FSTL4: variants seen among roughly 807,000 people sequenced by gnomAD.
FSTL4 encodes the protein follistatin like 4.
In FSTL4, 28 loss-of-function variants were observed where a neutral mutation model predicts 78.2. That is an observed-to-expected ratio of 0.36 (90% CI 0.27 to 0.49). FSTL4 has a LOEUF of 0.49. FSTL4 is among the 20% of genes least tolerant of loss of function. FSTL4 has a pLI of 0.98. For synonymous variants in FSTL4, 422 were observed against 440.5 expected (o/e 0.96, Z 0.53); for missense variants, 922 against 1,084.9 (o/e 0.85, Z 2.11).
chr5:133,378,007 A>G (rs1755479413), intron 4 of FSTL4, among the ~76,000 whole-genome samples: 1 of 152,208 alleles, frequency 6.6e-6, no homozygotes, highest in East Asian at 1.9e-4. Context: ...ATGTGCTAAA[A>G]AACAAAACTG....
chr5:133,219,817 C>T (rs1751034260), intron 12 of FSTL4, among the ~76,000 whole-genome samples: 1 of 152,186 alleles, frequency 6.6e-6, no homozygotes, highest in Admixed American at 6.5e-5. Flanking sequence ...AAATTTGTGC[C>T]AATGTGATGG....
the FSTL4 span, among the ~76,000 whole-genome samples, chr5:133,637,516 C>T: frequency 6.6e-6 from 1 of 152,076 alleles, no homozygotes; most frequent in Non-Finnish European, 1.5e-5. Flanking sequence ...ATGAGTAGAA[C>T]TAGACACAGC....
At chr5:133,701,509 A>ACCCCCCCC in the FSTL4 span, among the ~76,000 whole-genome samples, 33 of 132,680 alleles carry the variant, frequency 2.5e-4, no homozygotes, top group Admixed American at 4.5e-4. Flanking sequence ...ACACACACAC[A>ACCCCCCCC]CCCCACAGGC....
intron 3 of FSTL4, among the ~76,000 whole-genome samples, chr5:133,528,431 C>A (rs1455126979): frequency 6.6e-6 from 1 of 152,134 alleles, no homozygotes; most frequent in East Asian, 1.9e-4. Context: ...GGGCCATCTC[C>A]TTCTGTTCTC....
chr5:133,458,633 G>A lies in FSTL4; in HGVS notation c.161-57647C>T, dbSNP rs781699053. 1.6e-3 allele frequency among the ~76,000 whole-genome samples: 244 copies of A among 152,350 alleles called. 1 individual carries two copies. The highest frequency in any genetic ancestry group is 0.01 in the Middle Eastern group (3 of 294). ...AGCCACATGTCCTCTCTGGGCCTGGGTCCCATCTGTGGACTGGGGATGGCC... is the reference window on the plus strand; with the variant it reads ...AGCCACATGTCCTCTCTGGGCCTGGATCCCATCTGTGGACTGGGGATGGCC... On this transcript the variant is annotated intron_variant, in intron 3 of 15. Transcript: ENST00000265342.
intron 3 of FSTL4, among the ~76,000 whole-genome samples, chr5:133,469,721 G>A (rs2112847146): frequency 6.6e-6 from 1 of 152,312 alleles, no homozygotes; most frequent in South Asian, 2.1e-4. Context: ...GATAGTGGAA[G>A]AGGCACCCTT....
At chr5:133,766,882 C>G in the FSTL4 span, among the ~76,000 whole-genome samples, 1 of 152,330 alleles carries the variant, frequency 6.6e-6, no homozygotes, top group Non-Finnish European at 1.5e-5. Context: ...ATGCTTCCCA[C>G]ATGAGGCCAC....
At chr5:133,736,694 C>A in the FSTL4 span, among the ~76,000 whole-genome samples, 1 of 152,092 alleles carries the variant, frequency 6.6e-6, no homozygotes, top group African/African-American at 2.4e-5. Flanking sequence ...AAGCTGAGGA[C>A]GTACAGCCAA....
chr5:133,540,267 A>T (rs1759439391), intron 3 of FSTL4, among the ~76,000 whole-genome samples: 1 of 151,142 alleles, frequency 6.6e-6, no homozygotes, highest in Non-Finnish European at 1.5e-5. Context: ...ACACACACGC[A>T]CTCATTCATT....
At chr5:133,295,062 A>T (rs931199985) in intron 6 of FSTL4, among the ~76,000 whole-genome samples, 4 of 152,098 alleles carry the variant, frequency 2.6e-5, no homozygotes, top group African/African-American at 9.7e-5. Context: ...CTGCCCAAAG[A>T]TCACTCCGCC....
At chr5:133,446,968 T>C (rs2127007107) in intron 3 of FSTL4, among the ~76,000 whole-genome samples, 1 of 152,292 alleles carries the variant, frequency 6.6e-6, no homozygotes, top group East Asian at 1.9e-4. Flanking sequence ...AAGTGGCTCC[T>C]GTAGGCTGAA....
At chr5:133,738,640 C>T in the FSTL4 span, among the ~76,000 whole-genome samples, 106 of 152,266 alleles carry the variant, frequency 7.0e-4, no homozygotes, top group African/African-American at 2.3e-3. Context: ...TGCTGTCTTA[C>T]GGCTGCCCCT....
intron 3 of FSTL4, among the ~76,000 whole-genome samples, chr5:133,473,447 A>G (rs995579696): frequency 6.6e-6 from 1 of 152,106 alleles, no homozygotes; most frequent in Non-Finnish European, 1.5e-5. Context: ...TTGACCCCGT[A>G]ACCACTTCGA....
intron 7 of FSTL4, among the ~76,000 whole-genome samples, chr5:133,237,901 A>G (rs888181875): frequency 5.9e-5 from 9 of 151,990 alleles, no homozygotes; most frequent in African/African-American, 2.2e-4. Flanking sequence ...AGCAAAATCA[A>G]GGTTCCTTAC....
the FSTL4 span, among the ~76,000 whole-genome samples, chr5:133,642,456 G>A: frequency 0.028 from 4,242 of 152,174 alleles, 220 homozygotes; most frequent in African/African-American, 0.098. Context: ...ATCTTCTTTT[G>A]GTAAGCTTCT....
chr5:133,447,601 G>A lies in FSTL4; in HGVS notation c.161-46615C>T, dbSNP rs148155162. Among the ~76,000 whole-genome samples the A allele has an allele frequency of 6.8e-3, 1,027 of 152,082 alleles. 9 individuals carry two copies. The highest frequency in any genetic ancestry group is 0.024 in the African/African-American group (975 of 41,484). On this transcript the variant is annotated intron_variant, in intron 3 of 15. Transcript: ENST00000265342. The stretch of plus-strand genomic sequence containing the variant: ...GTCACCCAGGCTGGAATGCAGTGGC[G>A]CAATCTCAGCTCACTGCAACCTCCG...
chr5:133,828,542 A>G, the FSTL4 span, among the ~76,000 whole-genome samples: 1 of 152,306 alleles, frequency 6.6e-6, no homozygotes, highest in South Asian at 2.1e-4. Context: ...CGAGTGCCCT[A>G]TTTGTCAACT....
At chr5:133,354,020 C>T (rs185382752) in intron 4 of FSTL4, among the ~76,000 whole-genome samples, 26 of 152,356 alleles carry the variant, frequency 1.7e-4, no homozygotes, top group Admixed American at 1.6e-3. Flanking sequence ...CTATTCTGCA[C>T]TGGCCGCAGG....
At chr5:133,698,681 T>C in the FSTL4 span, among the ~76,000 whole-genome samples, 1 of 152,230 alleles carries the variant, frequency 6.6e-6, no homozygotes, top group Non-Finnish European at 1.5e-5. Context: ...GCTCCATACA[T>C]GGGAGATGCT....
Sources: gnomAD v4.1 joint callset for allele counts (sites outside exome capture counted in the v4.1 genomes callset) on GRCh38, gnomAD v4.1.1 for gene constraint, MANE v1.5 for transcripts, NCBI Gene and HGNC (gene_info 2026-07-23, HGNC 2026-07-21) for gene names.